The following LDHA variants were observed in gnomAD, a reference collection of about 807,000 sequenced individuals.
LDHA encodes L-lactate dehydrogenase A chain.
In LDHA, 10 loss-of-function variants were observed where a neutral mutation model predicts 36.3. The observed-to-expected ratio is 0.28, with a 90% CI of 0.17 to 0.47. The LOEUF (loss-of-function observed/expected upper bound fraction) is 0.47, where lower values mean the gene tolerates loss of function less well. Ranked by LOEUF, LDHA falls within the 20% of genes least tolerant of loss-of-function variation. LDHA has a pLI of 0.99. For missense variants in LDHA, 267 were observed against 405.8 expected, an observed-to-expected ratio of 0.66 and a Z score of 2.94; for synonymous variants, 110 against 136.7, an observed-to-expected ratio of 0.80 and a Z score of 1.36.
Position 18,408,037 on chromosome 11 carries a change from A to T in LDHA, c.*756A>T, listed in dbSNP as rs763799905. 1 of 454,086 alleles carries T rather than the reference A, an allele frequency of 2.2e-6. No homozygotes were observed. Among genetic ancestry groups the T allele is most frequent in the Non-Finnish European group, 4.4e-6 (1 of 226,792 alleles). 28.1% of individuals were successfully genotyped at this position (454,086 alleles called of 1,614,324 possible). On this transcript the variant is annotated 3_prime_UTR_variant, in exon 8 of 8. Coordinates refer to ENST00000422447, the MANE Select transcript of LDHA (RefSeq NM_005566.4). ...TGGTACCACTTCCATTGTAAGTCCC[A>T]AAGTATTATATATTTGATAATAATG...
intron 1 of LDHA, chr11:18,396,458 C>A: frequency 1.9e-6 from 1 of 534,252 alleles, no homozygotes; most frequent in Non-Finnish European, 2.9e-6. Context: ...ACTTGAGAAG[C>A]CTGGCTGTGT....
rs1173133594 is a variant in LDHA at position 18,396,983 on chromosome 11, A to G, written c.126+15A>G. 1 of 1,613,602 alleles carries G rather than the reference A, an allele frequency of 6.2e-7. No individual in the cohort carries two copies. The highest frequency in any genetic ancestry group is 8.5e-7 in the Non-Finnish European group (1 of 1,179,522). ...TCTTAATGAAGGTAAGTGAGAGTCT[A>G]CCACACTGGAAGCCCATACCTTGAC... On this transcript the variant is annotated intron_variant, in intron 2 of 7. Coordinates refer to ENST00000422447, the MANE Select transcript of LDHA (RefSeq NM_005566.4).
chr11:18,396,020 T>A lies in LDHA; in HGVS notation c.-24-799T>A, dbSNP rs201287644. On this transcript the variant is annotated intron_variant, in intron 1 of 7. Coordinates refer to ENST00000422447, the MANE Select transcript of LDHA (RefSeq NM_005566.4). ...GGAGGCTGCCAGCTAGGCTTCACGT[T>A]GCTGGCGTCTGCTTCGGGGCATTCA... Among the ~76,000 whole-genome samples the A allele has an allele frequency of 2.9e-4, 44 of 152,374 alleles. No homozygotes were observed. In the East Asian group the frequency reaches 6.4e-3, roughly 22 times the overall value.
chr11:18,397,181 G>T (rs80339187), intron 2 of LDHA: 1 of 480,728 alleles, frequency 2.1e-6, no homozygotes, highest in Admixed American at 3.7e-5. Context: ...TCAGGCTGGA[G>T]ACCCAGTTCC....
At chr11:18,401,736 C>T (rs970569039) in intron 4 of LDHA, among the ~76,000 whole-genome samples, 3 of 151,460 alleles carry the variant, frequency 2.0e-5, no homozygotes, top group Non-Finnish European at 4.4e-5. Flanking sequence ...CTTGGCCTCC[C>T]AAAGTGCTGG....
chr11:18,394,822 C>T (rs1866235644), intron 1 of LDHA, 186 bp downstream of exon 1: 4 of 358,188 alleles, frequency 1.1e-5, no homozygotes, highest in South Asian at 4.0e-5. Flanking sequence ...GTTCGGAGCT[C>T]GCCGCGCTCT....
chr11:18,398,398 GTT>G (rs35960334), intron 2 of LDHA, among the ~76,000 whole-genome samples: 13 of 147,608 alleles, frequency 8.8e-5, no homozygotes, highest in South Asian at 4.3e-4. Flanking sequence ...AACTTTTTAA[GTT>G]TTTTTTTTTT....
Position 18,407,452 on chromosome 11 carries a change from A to G in LDHA, c.*171A>G, listed in dbSNP as rs1866734181. ...GAAATAAGAATGGTTTGTAAAATCC[A>G]CAGCTATATCCTGATGCTGGATGGT... On this transcript the variant is annotated 3_prime_UTR_variant, in exon 8 of 8. Coordinates refer to ENST00000422447, the MANE Select transcript of LDHA (RefSeq NM_005566.4). 7.6e-7 allele frequency: 1 copy of G among 1,323,232 alleles called. No homozygotes were observed. The highest frequency in any genetic ancestry group is 1.5e-5 in the African/African-American group (1 of 68,624). The allele number at this position is 1,323,232 out of a possible 1,614,324, so 82.0% of individuals were successfully genotyped here. A position where few individuals can be genotyped will look rare whatever the true frequency, so the allele number is the denominator to read the frequency against.
At position 18,407,775 on chromosome 11, in the gene LDHA, C is replaced by T. The variant is rs1255909699; in HGVS notation, c.*494C>T. Reference sequence around the variant, plus strand: ...ACATTACCATATAATGTAAAAAGATCTACATACAAACAATGCAACCAACTA... The same window carrying T: ...ACATTACCATATAATGTAAAAAGATTTACATACAAACAATGCAACCAACTA... On this transcript the variant is annotated 3_prime_UTR_variant, in exon 8 of 8. Coordinates refer to ENST00000422447, the MANE Select transcript of LDHA (RefSeq NM_005566.4). 6.6e-6 allele frequency: 3 copies of T among 457,694 alleles called. 1 individual carries two copies. Among genetic ancestry groups the T allele is most frequent in the South Asian group, 4.7e-5 (3 of 64,502 alleles). The allele number at this position is 457,694 out of a possible 1,614,324, so 28.4% of individuals were successfully genotyped here.
intron 1 of LDHA, among the ~76,000 whole-genome samples, chr11:18,395,696 G>A (rs114921759): frequency 8.5e-5 from 13 of 152,282 alleles, no homozygotes; most frequent in African/African-American, 2.9e-4. Context: ...GTGATACTTT[G>A]GGGATGCAGC....
chr11:18,398,644 C>T (rs1293905484), intron 2 of LDHA: 2 of 115,796 alleles, frequency 1.7e-5, no homozygotes, highest in South Asian at 3.2e-4. Context: ...GAAGGAGTCT[C>T]GCCGTGTCGC....
At chr11:18,397,924 A>G (rs569140243) in intron 2 of LDHA, among the ~76,000 whole-genome samples, 1 of 152,338 alleles carries the variant, frequency 6.6e-6, no homozygotes, top group Middle Eastern at 3.4e-3. Context: ...GAAATGAGCT[A>G]TGAAAAGGCC....
chr11:18,405,398 T>G lies in LDHA; in HGVS notation c.711-51T>G, dbSNP rs566653337. 8 of 1,603,414 alleles carry G rather than the reference T, an allele frequency of 5.0e-6. No individual in the cohort carries two copies. The African/African-American group carries it at 8.0e-5, about 16-fold the overall frequency. On this transcript the variant is annotated intron_variant, in intron 6 of 7. Transcript: ENST00000422447. The stretch of plus-strand genomic sequence containing the variant: ...TTAATGAAAACTTTGTTTTTCTTTC[T>G]TTCTCCCACCCTGCTTTTTCTGCCT...
Position 18,396,854 on chromosome 11 carries a change from A to G in LDHA, c.12A>G (p.Leu4=). The G allele has an allele frequency of 6.2e-7, 1 of 1,612,682 alleles. No individual in the cohort carries two copies. The highest frequency in any genetic ancestry group is 8.5e-7 in the Non-Finnish European group (1 of 1,178,982). MAT[L]KDQLIYNLLK... ...GTTCCAAGTCCAATATGGCAACTCT[A>G]AAGGATCAGCTGATTTATAATCTTC... Residue 4 remains leucine, a synonymous_variant, in exon 2 of 8, where the codon CTA becomes CTG. Coordinates refer to ENST00000422447, the MANE Select transcript of LDHA (RefSeq NM_005566.4).
At chr11:18,399,212 G>C (rs1260689643) in intron 2 of LDHA, 1 of 516,026 alleles carries the variant, frequency 1.9e-6, no homozygotes, top group African/African-American at 1.9e-5. Context: ...GCTCGCTTCA[G>C]TGGGGAGACA....
At chr11:18,406,253 C>T (rs1162079380) in intron 7 of LDHA, among the ~76,000 whole-genome samples, 1 of 151,920 alleles carries the variant, frequency 6.6e-6, no homozygotes, top group Non-Finnish European at 1.5e-5. Flanking sequence ...TGTGAGCCAC[C>T]GCACCTGGCC....
intron 7 of LDHA, among the ~76,000 whole-genome samples, chr11:18,406,193 T>C (rs1866676382): frequency 6.6e-6 from 1 of 152,042 alleles, no homozygotes; most frequent in Non-Finnish European, 1.5e-5. Flanking sequence ...CTCGAACTCC[T>C]GACCTTGTGA....
In LDHA at chr11:18,396,641, C is replaced by A. The variant is rs200669604; in HGVS notation, c.-24-178C>A. ...GGCCTTCACTCTTCACAGACCCTGT[C>A]ATTAGGCCTTTCAACTCTCTTTTGG... On this transcript the variant is annotated intron_variant, in intron 1 of 7. Coordinates refer to ENST00000422447, the MANE Select transcript of LDHA (RefSeq NM_005566.4). 1.4e-5 allele frequency: 19 copies of A among 1,406,252 alleles called. No individual in the cohort carries two copies. The East Asian group carries it at 4.9e-4, about 36-fold the overall frequency. The allele number at this position is 1,406,252 out of a possible 1,614,324, so 87.1% of individuals were successfully genotyped here.
chr11:18,397,154 A>G, intron 2 of LDHA, 186 bp downstream of exon 2: 1 of 556,744 alleles, frequency 1.8e-6, no homozygotes, highest in East Asian at 2.9e-5. Context: ...TCTGAAATTA[A>G]AAAGAATCAA....
Sources: gnomAD v4.1 joint callset for allele counts (sites outside exome capture counted in the v4.1 genomes callset) on GRCh38, gnomAD v4.1.1 for gene constraint, MANE v1.5 for transcripts, NCBI Gene and HGNC (gene_info 2026-07-23, HGNC 2026-07-21) for gene names.